The following ARHGAP24 variants were observed in gnomAD, a reference collection of about 807,000 sequenced individuals.
ARHGAP24 encodes the protein rho GTPase-activating protein 24.
In ARHGAP24, 50 loss-of-function variants were observed where a neutral mutation model predicts 76.4. That is an observed-to-expected ratio of 0.65 (90% CI 0.52 to 0.83). The LOEUF (loss-of-function observed/expected upper bound fraction) is 0.83. Among genes scored for constraint, ARHGAP24 ranks in the 40% least tolerant of loss-of-function variants. ARHGAP24 has a pLI of 0.00. For missense variants in ARHGAP24, 930 were observed against 914.2 expected, an observed-to-expected ratio of 1.02 and a Z score of -0.22; for synonymous variants, 345 against 323.3, an observed-to-expected ratio of 1.07 and a Z score of -0.72.
chr4:85,817,251 A>C (rs567157592), intron 3 of ARHGAP24, among the ~76,000 whole-genome samples: 2 of 152,238 alleles, frequency 1.3e-5, no homozygotes, highest in South Asian at 4.1e-4. Context: ...CTACAGGGAA[A>C]CTTTTTAGTT....
intron 4 of ARHGAP24, among the ~76,000 whole-genome samples, chr4:85,925,396 C>T (rs541336428): frequency 1.5e-4 from 23 of 152,124 alleles, no homozygotes; most frequent in Non-Finnish European, 2.5e-4. Flanking sequence ...TTAATAATTG[C>T]CCCAAAGGGC....
intron 1 of ARHGAP24, among the ~76,000 whole-genome samples, chr4:85,552,971 CCCTTGCAGCGAGTGTTA>C (rs2110130219): frequency 6.6e-6 from 1 of 152,166 alleles, no homozygotes; most frequent in Non-Finnish European, 1.5e-5. Flanking sequence ...AAGCCGCAGA[CCCTTGCAGCGAGTGTTA>C]CAGTTCATAA....
chr4:85,828,611 G>A (rs559213211), intron 3 of ARHGAP24, among the ~76,000 whole-genome samples: 16 of 151,454 alleles, frequency 1.1e-4, no homozygotes, highest in African/African-American at 3.9e-4. Flanking sequence ...TAAAGCTTTT[G>A]TTATCCGCAT....
intron 3 of ARHGAP24, among the ~76,000 whole-genome samples, chr4:85,865,479 TAA>T (rs1732143088): frequency 6.8e-6 from 1 of 147,430 alleles, no homozygotes; most frequent in Non-Finnish European, 1.5e-5. Flanking sequence ...ATTAGTAGTA[TAA>T]ACAAATAATA....
rs1732520444 is a variant in ARHGAP24 at position 85,871,465 on chromosome 4, A to G, written c.269-52183A>G. Among the ~76,000 whole-genome samples the G allele has an allele frequency of 2.0e-5, 3 of 152,212 alleles. No individual in the cohort carries two copies. The South Asian group carries it at 6.2e-4, about 31-fold the overall frequency. On this transcript the variant is annotated intron_variant, in intron 3 of 9. Coordinates refer to ENST00000395184, the MANE Select transcript of ARHGAP24 (RefSeq NM_001025616.3). ...CTTTCTTTGACAACTGTTTTGTAAC[A>G]TCACTTTCTACAGAAAGAATGAAAA...
intron 1 of ARHGAP24, among the ~76,000 whole-genome samples, chr4:85,481,962 G>A (rs1413747812): frequency 6.6e-6 from 1 of 152,176 alleles, no homozygotes; most frequent in African/African-American, 2.4e-5. Context: ...GAGGAATTAT[G>A]GGAGTGCATC....
chr4:85,627,328 T>C (rs1164145808), intron 2 of ARHGAP24, among the ~76,000 whole-genome samples: 1 of 152,198 alleles, frequency 6.6e-6, no homozygotes, highest in Non-Finnish European at 1.5e-5. Context: ...TGGAGTTTTC[T>C]AGAGGTCCAC....
chr4:85,844,782 T>C (rs1730783716), intron 3 of ARHGAP24, among the ~76,000 whole-genome samples: 1 of 152,232 alleles, frequency 6.6e-6, no homozygotes, highest in Non-Finnish European at 1.5e-5. Context: ...TCTGTTGTTT[T>C]ATTGTTGTTT....
intron 3 of ARHGAP24, among the ~76,000 whole-genome samples, chr4:85,807,182 C>T (rs1560643405): frequency 1.3e-5 from 2 of 152,024 alleles, no homozygotes; most frequent in African/African-American, 4.8e-5. Flanking sequence ...CATAGGTATA[C>T]ACATGCCATG....
At position 85,618,189 on chromosome 4, in the gene ARHGAP24, A is replaced by G. The variant is rs531282802; in HGVS notation, c.180+47468A>G. Among the ~76,000 whole-genome samples, 121 of 152,150 alleles carry G rather than the reference A, an allele frequency of 8.0e-4. 1 individual carries two copies. Among genetic ancestry groups the G allele is most frequent in the African/African-American group, 2.8e-3 (117 of 41,544 alleles). ...CCTGGCAGTTGCCCTACTATTCTCT[A>G]CTTCTGTGACTTCGACTTCTTTAGA... On this transcript the variant is annotated intron_variant, in intron 2 of 9. Coordinates refer to ENST00000395184, the MANE Select transcript of ARHGAP24 (RefSeq NM_001025616.3).
At chr4:85,497,830 A>G (rs1327379826) in intron 1 of ARHGAP24, among the ~76,000 whole-genome samples, 1 of 152,058 alleles carries the variant, frequency 6.6e-6, no homozygotes, top group Non-Finnish European at 1.5e-5. Context: ...GGAAAAAAAC[A>G]AAAGAAAGAA....
At chr4:85,746,542 AT>A (rs1242212939) in intron 3 of ARHGAP24, among the ~76,000 whole-genome samples, 1 of 151,838 alleles carries the variant, frequency 6.6e-6, no homozygotes, top group Non-Finnish European at 1.5e-5. Context: ...CCTAACCTCT[AT>A]TGTGATGTCC....
At chr4:85,787,949 G>A (rs905951126) in intron 3 of ARHGAP24, among the ~76,000 whole-genome samples, 3 of 152,156 alleles carry the variant, frequency 2.0e-5, no homozygotes, top group African/African-American at 7.2e-5. Flanking sequence ...ATAGTGCCAG[G>A]TCATTAGAAA....
At chr4:85,578,905 G>A (rs868349368) in intron 2 of ARHGAP24, among the ~76,000 whole-genome samples, 3 of 152,144 alleles carry the variant, frequency 2.0e-5, no homozygotes, top group African/African-American at 4.8e-5. Context: ...GGTGCTTTTC[G>A]TTGGTCATGC....
At chr4:85,752,620 A>G (rs927074109) in intron 3 of ARHGAP24, among the ~76,000 whole-genome samples, 1 of 152,202 alleles carries the variant, frequency 6.6e-6, no homozygotes, top group Non-Finnish European at 1.5e-5. Context: ...AGGGAGCACC[A>G]CAGGAGCTGG....
chr4:85,881,300 CT>C (rs1733240557), intron 3 of ARHGAP24, among the ~76,000 whole-genome samples: 1 of 152,126 alleles, frequency 6.6e-6, no homozygotes, highest in Non-Finnish European at 1.5e-5. Context: ...GAATTATTTA[CT>C]TGTGAAATTT....
chr4:85,825,111 AC>A lies in ARHGAP24; in HGVS notation c.269-98536del, dbSNP rs200663292. Among the ~76,000 whole-genome samples the A allele has an allele frequency of 1.1e-4, 16 of 151,820 alleles. 1 individual carries two copies. The highest frequency in any genetic ancestry group is 2.1e-4 in the South Asian group (1 of 4,814). ...TCTCAAAAAAACGAAACGAAACAAA[AC>A]AAAAAAAAAGAAAAGAAAAGAAAAG... On this transcript the variant is annotated intron_variant, in intron 3 of 9. Coordinates refer to ENST00000395184, the MANE Select transcript of ARHGAP24 (RefSeq NM_001025616.3).
intron 2 of ARHGAP24, among the ~76,000 whole-genome samples, chr4:85,640,722 T>C (rs1400064043): frequency 2.6e-5 from 4 of 152,188 alleles, no homozygotes; most frequent in Non-Finnish European, 5.9e-5. Flanking sequence ...GTAACAATTA[T>C]TTAATATGTA....
intron 3 of ARHGAP24, among the ~76,000 whole-genome samples, chr4:85,889,685 A>G (rs1432269945): frequency 6.6e-6 from 1 of 152,194 alleles, no homozygotes; most frequent in Non-Finnish European, 1.5e-5. Flanking sequence ...AACTCCAACT[A>G]TCTCACTGGT....
Sources: allele counts gnomAD v4.1 joint callset (sites outside exome capture counted in the v4.1 genomes callset), GRCh38; gene constraint gnomAD v4.1.1; transcripts MANE v1.5; gene names NCBI Gene and HGNC (gene_info 2026-07-23, HGNC 2026-07-21).